Variants in ZBTB38 observed in about 807,000 individuals in gnomAD.
The protein encoded by ZBTB38 is zinc finger and BTB domain containing 38.
Under a neutral mutation model 76.8 loss-of-function variants are expected in ZBTB38, and 20 were observed. The observed-to-expected ratio is 0.26, with a 90% CI of 0.18 to 0.38. The LOEUF is 0.38. ZBTB38 is among the 10% of genes least tolerant of loss of function. ZBTB38 has a pLI of 1.00. For synonymous variants in ZBTB38, 504 were observed against 544.2 expected, an observed-to-expected ratio of 0.93 and a Z score of 1.03; for missense variants, 1,082 against 1,482.3, an observed-to-expected ratio of 0.73 and a Z score of 4.43.
chr3:141,362,735 G>T (rs143532993), intron 1 of ZBTB38, among the ~76,000 whole-genome samples: 102 of 152,212 alleles, frequency 6.7e-4, no homozygotes, highest in African/African-American at 2.3e-3. Flanking sequence ...GGAGGCAGAA[G>T]CTATGGGGTG....
chr3:141,332,614 CT>C (rs1166580881), intron 1 of ZBTB38, among the ~76,000 whole-genome samples: 1 of 152,138 alleles, frequency 6.6e-6, no homozygotes, highest in Non-Finnish European at 1.5e-5. Context: ...ATGATATTTG[CT>C]GTAGATAAGG....
intron 5 of ZBTB38, among the ~76,000 whole-genome samples, chr3:141,419,901 C>T (rs1394387136): frequency 6.6e-6 from 1 of 152,082 alleles, no homozygotes; most frequent in Non-Finnish European, 1.5e-5. Context: ...GCAGGAGAAT[C>T]GCTTGAACCC....
At chr3:141,363,591 T>C (rs1348679020), upstream of ZBTB38, among the ~76,000 whole-genome samples, 1 of 152,160 alleles carries the variant, frequency 6.6e-6, no homozygotes, top group East Asian at 1.9e-4. Context: ...TAAATATTAA[T>C]ATTTATGGTC....
chr3:141,382,016 T>G (rs1391450412), intron 3 of ZBTB38, among the ~76,000 whole-genome samples: 7 of 152,200 alleles, frequency 4.6e-5, no homozygotes, highest in Non-Finnish European at 1.0e-4. Context: ...AAAATTCCAT[T>G]TAAAAATATG....
chr3:141,338,786 CT>C (rs1268924306), intron 1 of ZBTB38, among the ~76,000 whole-genome samples: 2 of 152,078 alleles, frequency 1.3e-5, no homozygotes, highest in African/African-American at 4.8e-5. Context: ...ATTGTACCCC[CT>C]GAACCGAAAA....
chr3:141,412,772 T>A (rs936576897), intron 5 of ZBTB38, among the ~76,000 whole-genome samples: 2 of 152,084 alleles, frequency 1.3e-5, no homozygotes, highest in African/African-American at 4.8e-5. Context: ...TCCCTTAATA[T>A]TCTTTCTCCC....
chr3:141,402,265 G>A (rs1362565706), intron 4 of ZBTB38: 1 of 151,756 alleles, frequency 6.6e-6, no homozygotes, highest in African/African-American at 2.4e-5. Flanking sequence ...GCTGCGGGTC[G>A]GGCCGACCTC....
At position 141,445,024 on chromosome 3, in the gene ZBTB38, A is replaced by G. The variant is rs766830367; in HGVS notation, c.2636A>G (p.Asn879Ser). 1.4e-5 allele frequency: 22 copies of G among 1,614,096 alleles called. No homozygotes were observed. The highest frequency in any genetic ancestry group is 1.7e-5 in the Non-Finnish European group (20 of 1,180,038). The change falls in exon 6 of 6, where the codon AAT becomes AGT. Residue 879 changes from asparagine (N) to serine (S), a missense_variant. Coordinates refer to ENST00000321464, the MANE Select transcript of ZBTB38 (RefSeq NM_001376113.1). This position sits in a 1 kb window ranked among gnomAD's most constrained non-coding sequence, Gnocchi z 6.5. Reference protein sequence around the residue: ...QMQEEPLPQGNDPEPSGDSPL... With the variant: ...QMQEEPLPQGSDPEPSGDSPL... Reference sequence around the variant, plus strand: ...CAGGAGGAGCCTTTGCCACAGGGGAATGACCCAGAACCCAGTGGAGACAGC... The same window carrying G: ...CAGGAGGAGCCTTTGCCACAGGGGAGTGACCCAGAACCCAGTGGAGACAGC...
chr3:141,385,514 TTGGGGACC>T (rs1368010706), intron 3 of ZBTB38, among the ~76,000 whole-genome samples: 1 of 152,156 alleles, frequency 6.6e-6, no homozygotes, highest in African/African-American at 2.4e-5. Context: ...GTTTTCCTCT[TTGGGGACC>T]TGGTGACACT....
intron 5 of ZBTB38, among the ~76,000 whole-genome samples, chr3:141,412,085 C>T (rs1219998905): frequency 6.6e-6 from 1 of 152,208 alleles, no homozygotes; most frequent in East Asian, 1.9e-4. Flanking sequence ...ATCCTAGCAA[C>T]TCCCTTACAT....
chr3:141,356,914 A>T (rs1297518081), intron 1 of ZBTB38, among the ~76,000 whole-genome samples: 1 of 152,272 alleles, frequency 6.6e-6, no homozygotes, highest in African/African-American at 2.4e-5. Context: ...GACTTTTTTT[A>T]AAAGTTCACT....
chr3:141,426,163 A>C, intron 5 of ZBTB38: 2 of 1,289,430 alleles, frequency 1.6e-6, no homozygotes, highest in Non-Finnish European at 2.0e-6. Context: ...AGCAGGAGAC[A>C]TGGTAAGCTG....
chr3:141,403,137 T>A (rs1438140811), intron 4 of ZBTB38: 2 of 152,222 alleles, frequency 1.3e-5, no homozygotes, highest in Non-Finnish European at 2.9e-5. Context: ...ACTTTATAAC[T>A]CCTGCACTGC....
intron 5 of ZBTB38, among the ~76,000 whole-genome samples, chr3:141,436,996 C>T (rs972743929): frequency 1.3e-5 from 2 of 152,132 alleles, no homozygotes; most frequent in South Asian, 2.1e-4. Flanking sequence ...AGCTTTTAGC[C>T]GTAGCACTTT....
chr3:141,433,711 A>G (rs2078116712), intron 5 of ZBTB38, among the ~76,000 whole-genome samples: 1 of 152,232 alleles, frequency 6.6e-6, no homozygotes, highest in Non-Finnish European at 1.5e-5. Flanking sequence ...ATAGAAAGAC[A>G]GCTAGATTTT....
In ZBTB38 at chr3:141,444,860, G is replaced by A; in HGVS notation, c.2472G>A (p.Leu824=). The stretch of plus-strand genomic sequence containing the variant: ...AAACCTACATTGCAAAACCTGCTCT[G>A]CCGGGAACCTCCACAAATAGTAATG... ...KIETYIAKPA[L]PGTSTNSNVA... Residue 824 remains leucine (L), a synonymous_variant, in exon 6 of 6, where the codon CTG becomes CTA. Transcript: ENST00000321464. The surrounding 1 kb of genome is among the most constrained non-coding windows in gnomAD (Gnocchi z 5.1). 1 of 1,614,126 alleles carries A rather than the reference G, an allele frequency of 6.2e-7. No individual in the cohort carries two copies. Among genetic ancestry groups the A allele is most frequent in the Non-Finnish European group, 8.5e-7 (1 of 1,180,030 alleles).
intron 1 of ZBTB38, among the ~76,000 whole-genome samples, chr3:141,336,998 C>T (rs1348443244): frequency 1.3e-5 from 2 of 152,210 alleles, no homozygotes; most frequent in South Asian, 2.1e-4. Context: ...TTTCTAATTA[C>T]GTACATAACA....
chr3:141,443,625 C>T lies in ZBTB38; in HGVS notation c.1237C>T (p.Pro413Ser), dbSNP rs376390699. The T allele has an allele frequency of 1.2e-6, 2 of 1,614,200 alleles. No homozygotes were observed. The highest frequency in any genetic ancestry group is 1.7e-6 in the Non-Finnish European group (2 of 1,180,046). Reference sequence around the variant, plus strand: ...AAACCAACGCTTTTTAGAAAACTATCCTACCATTGGACAAAATGGAGGTTC... The same window carrying T: ...AAACCAACGCTTTTTAGAAAACTATTCTACCATTGGACAAAATGGAGGTTC... ...GGNQRFLENY[P>S]TIGQNGGSFT... The change falls in exon 6 of 6, where the codon CCT becomes TCT. Residue 413 changes from proline to serine, a missense_variant. Coordinates refer to ENST00000321464, the MANE Select transcript of ZBTB38 (RefSeq NM_001376113.1). The surrounding 1 kb of genome is among the most constrained non-coding windows in gnomAD (Gnocchi z 5.6).
At chr3:141,374,240 C>A (rs1945034964) in intron 2 of ZBTB38, among the ~76,000 whole-genome samples, 1 of 152,038 alleles carries the variant, frequency 6.6e-6, no homozygotes, top group Non-Finnish European at 1.5e-5. Context: ...AATTGACTTT[C>A]ATCTGGGAGC....
Sources: allele counts gnomAD v4.1 joint callset (sites outside exome capture counted in the v4.1 genomes callset), GRCh38; gene constraint gnomAD v4.1.1; non-coding constraint Gnocchi (gnomAD v3.1); transcripts MANE v1.5; gene names NCBI Gene and HGNC (gene_info 2026-07-23, HGNC 2026-07-21).